The following PDSS2 variants were observed in gnomAD, a reference collection of about 807,000 sequenced individuals.
PDSS2 encodes all trans-polyprenyl-diphosphate synthase PDSS2.
A neutral mutation model predicts 44.5 loss-of-function variants in PDSS2; 31 were observed. That is an observed-to-expected ratio of 0.70 (90% CI 0.52 to 0.94). The LOEUF (loss-of-function observed/expected upper bound fraction) is 0.94, where lower values mean the gene tolerates loss of function less well. Ranked by LOEUF, PDSS2 falls within the 40% of genes least tolerant of loss-of-function variation. The probability of loss-of-function intolerance (pLI) is 0.00; values close to 1 mark genes in which losing one functional copy is unlikely to be tolerated. For synonymous variants in PDSS2, 157 were observed against 180.3 expected, an observed-to-expected ratio of 0.87 and a Z score of 1.03; for missense variants, 452 against 482.2, an observed-to-expected ratio of 0.94 and a Z score of 0.59.
intron 4 of PDSS2, among the ~76,000 whole-genome samples, chr6:107,225,248 C>T (rs191817017): frequency 7.1e-6 from 1 of 139,970 alleles, no homozygotes; most frequent in Non-Finnish European, 1.5e-5. Context: ...CTTGGGCTCA[C>T]TGCAACCTCC....
chr6:107,254,627 C>T (rs562846244), intron 3 of PDSS2, among the ~76,000 whole-genome samples: 7 of 152,252 alleles, frequency 4.6e-5, no homozygotes, highest in South Asian at 4.2e-4. Flanking sequence ...CTTTACCTAG[C>T]GACACTGCCG....
intron 1 of PDSS2, among the ~76,000 whole-genome samples, chr6:107,420,769 A>T (rs1562528013): frequency 6.6e-6 from 1 of 152,070 alleles, no homozygotes; most frequent in Non-Finnish European, 1.5e-5. Flanking sequence ...CATCTTTGGG[A>T]CCTAGGGCTA....
chr6:107,282,339 T>C (rs1429196183), intron 2 of PDSS2, among the ~76,000 whole-genome samples: 1 of 152,228 alleles, frequency 6.6e-6, no homozygotes, highest in Non-Finnish European at 1.5e-5. Context: ...AGTCTCTATG[T>C]ATCCCCATAC....
At chr6:107,371,354 T>C (rs1197366237) in intron 1 of PDSS2, among the ~76,000 whole-genome samples, 3 of 152,290 alleles carry the variant, frequency 2.0e-5, no homozygotes, top group East Asian at 1.9e-4. Flanking sequence ...TTCAGGTGTA[T>C]GGGAAAAGGA....
chr6:107,408,468 G>T (rs958557930), intron 1 of PDSS2, among the ~76,000 whole-genome samples: 6 of 152,180 alleles, frequency 3.9e-5, no homozygotes, highest in African/African-American at 1.4e-4. Context: ...AGTCCTCTGA[G>T]ACTGTAACTG....
chr6:107,451,927 C>T (rs1362628905), intron 1 of PDSS2, among the ~76,000 whole-genome samples: 1 of 152,224 alleles, frequency 6.6e-6, no homozygotes, highest in East Asian at 1.9e-4. Flanking sequence ...TTTTAATTTG[C>T]ATTTCCCAAA....
At chr6:107,196,551 T>C (rs960921424) in intron 6 of PDSS2, among the ~76,000 whole-genome samples, 1 of 152,264 alleles carries the variant, frequency 6.6e-6, no homozygotes, top group Admixed American at 6.5e-5. Flanking sequence ...TGCTGACTAC[T>C]ATGAATTGCT....
At chr6:107,319,480 G>T (rs979544220) in intron 2 of PDSS2, among the ~76,000 whole-genome samples, 3 of 152,162 alleles carry the variant, frequency 2.0e-5, no homozygotes, top group Non-Finnish European at 4.4e-5. Flanking sequence ...GGCACAGAAA[G>T]AATGGCAACC....
chr6:107,319,027 TAC>T (rs947650535), intron 2 of PDSS2, among the ~76,000 whole-genome samples: 16 of 82,466 alleles, frequency 1.9e-4, no homozygotes, highest in African/African-American at 4.8e-4. Context: ...CACACACACA[TAC>T]ACACACACAC....
At chr6:107,160,482 G>A (rs1582712870) in intron 7 of PDSS2, among the ~76,000 whole-genome samples, 1 of 151,862 alleles carries the variant, frequency 6.6e-6, no homozygotes, top group African/African-American at 2.4e-5. Flanking sequence ...CAAGTACCTG[G>A]GACTACAGGG....
intron 1 of PDSS2, among the ~76,000 whole-genome samples, chr6:107,373,361 A>G (rs1271612566): frequency 1.3e-5 from 2 of 152,130 alleles, no homozygotes; most frequent in Non-Finnish European, 2.9e-5. Context: ...TCGGCCTCCA[A>G]AAGTTTAAAT....
chr6:107,320,654 G>A lies in PDSS2; in HGVS notation c.431+13544C>T, dbSNP rs567407169. Among the ~76,000 whole-genome samples the A allele has an allele frequency of 3.2e-3, 480 of 152,262 alleles. 2 individuals carry two copies. The highest frequency in any genetic ancestry group is 5.3e-3 in the Non-Finnish European group (363 of 68,008). On this transcript the variant is annotated intron_variant, in intron 2 of 7. Transcript: ENST00000369037. ...GTGAAAGGAAACATGCAGTAATAGA[G>A]ATAATGGCCTGCAAACATAAACGTT...
rs782167429 is a variant in PDSS2, at chr6:107,154,794, G to A, written c.1042-17C>T. 1.9e-6 allele frequency: 3 copies of A among 1,613,144 alleles called. No homozygotes were observed. The highest frequency in any genetic ancestry group is 1.1e-5 in the South Asian group (1 of 91,062). On this transcript the variant is annotated splice_polypyrimidine_tract_variant and intron_variant, in intron 7 of 7. Coordinates refer to ENST00000369037, the MANE Select transcript of PDSS2 (RefSeq NM_020381.4). ...TTCTCGCAACTGTTAAGAAACAAAT[G>A]CATGATAAAAGTCAGTTTTAAAGGT...
At chr6:107,313,524 T>C (rs1777110942) in intron 2 of PDSS2, among the ~76,000 whole-genome samples, 1 of 152,148 alleles carries the variant, frequency 6.6e-6, no homozygotes, top group Non-Finnish European at 1.5e-5. Flanking sequence ...AGCTAACTTT[T>C]GTATTTTTAG....
At chr6:107,422,706 C>T (rs1039190918) in intron 1 of PDSS2, among the ~76,000 whole-genome samples, 1 of 152,002 alleles carries the variant, frequency 6.6e-6, no homozygotes, top group Non-Finnish European at 1.5e-5. Context: ...AAAATATACA[C>T]ATGTGATAAA....
chr6:107,270,225 C>T (rs1192721056), intron 3 of PDSS2, among the ~76,000 whole-genome samples: 6 of 152,146 alleles, frequency 3.9e-5, no homozygotes, highest in Admixed American at 2.6e-4. Flanking sequence ...TCTCGTGCCT[C>T]AGCCTCCCAA....
chr6:107,242,112 A>G (rs935387033), intron 4 of PDSS2, among the ~76,000 whole-genome samples: 4 of 152,142 alleles, frequency 2.6e-5, no homozygotes, highest in African/African-American at 9.7e-5. Context: ...TGGTAAGCAC[A>G]CTCAGGAAAA....
rs1170987613 is a variant in PDSS2 at position 107,264,549 on chromosome 6, C to A, written c.630+9480G>T. ...AAAAAATAACGTGATAAATTCCATT[C>A]TTTAAATACTAGGCTTATCATTATA... On this transcript the variant is annotated intron_variant, in intron 3 of 7. Coordinates refer to ENST00000369037, the MANE Select transcript of PDSS2 (RefSeq NM_020381.4). The A allele has an allele frequency of 2.5e-6, 3 of 1,219,750 alleles. No individual in the cohort carries two copies. The South Asian group carries it at 3.9e-5, about 16-fold the overall frequency. The allele number at this position is 1,219,750 out of a possible 1,614,324, so 75.6% of individuals were successfully genotyped here.
chr6:107,383,588 T>C (rs571452287), intron 1 of PDSS2, among the ~76,000 whole-genome samples: 1 of 151,724 alleles, frequency 6.6e-6, no homozygotes, highest in African/African-American at 2.4e-5. Flanking sequence ...TGTATCTAGA[T>C]ACAAATAAAG....
Sources: allele counts gnomAD v4.1 joint callset (sites outside exome capture counted in the v4.1 genomes callset), GRCh38; gene constraint gnomAD v4.1.1; transcripts MANE v1.5; gene names NCBI Gene and HGNC (gene_info 2026-07-23, HGNC 2026-07-21).